HSD17B12: variants seen among roughly 807,000 people sequenced by gnomAD.
HSD17B12 encodes hydroxysteroid 17-beta dehydrogenase 12, also known as very-long-chain 3-oxoacyl-CoA reductase.
In HSD17B12, 32 loss-of-function variants were observed where a neutral mutation model predicts 39.3. That is an observed-to-expected ratio of 0.81 (90% CI 0.61 to 1.09). The LOEUF is 1.09. HSD17B12 is among the 50% of genes least tolerant of loss of function. The pLI is 0.00. For synonymous variants in HSD17B12, 150 were observed against 146.7 expected, an observed-to-expected ratio of 1.02 and a Z score of -0.16; for missense variants, 342 against 382.9, an observed-to-expected ratio of 0.89 and a Z score of 0.89.
chr11:43,716,768 G>A (rs1398943388), intron 1 of HSD17B12, among the ~76,000 whole-genome samples: 3 of 148,446 alleles, frequency 2.0e-5, no homozygotes, highest in Non-Finnish European at 4.5e-5. Flanking sequence ...AAATATATAT[G>A]TGCATAGGAT....
the HSD17B12 span, among the ~76,000 whole-genome samples, chr11:43,662,199 CTTTTT>C: frequency 2.4e-5 from 3 of 124,752 alleles, no homozygotes; most frequent in Non-Finnish European, 1.7e-5. Context: ...GCCCACGTCT[CTTTTT>C]TTTTTTTTTT....
rs983027943 is a variant in HSD17B12 at position 43,708,098 on chromosome 11, C to T, written c.160+27111C>T. On this transcript the variant is annotated intron_variant, in intron 1 of 10. Coordinates refer to ENST00000278353, the MANE Select transcript of HSD17B12 (RefSeq NM_016142.3). Reference sequence around the variant, plus strand: ...ATCACATTGGAGATTTAAGCTTCAACGTATGAATTTGGGGGGATGCAAACA... The same window carrying T: ...ATCACATTGGAGATTTAAGCTTCAATGTATGAATTTGGGGGGATGCAAACA... Among the ~76,000 whole-genome samples the T allele has an allele frequency of 3.9e-5, 6 of 152,126 alleles. No individual in the cohort carries two copies. The East Asian group carries it at 7.7e-4, about 19-fold the overall frequency.
chr11:43,749,148 G>C (rs1950442757), intron 1 of HSD17B12, among the ~76,000 whole-genome samples: 1 of 151,954 alleles, frequency 6.6e-6, no homozygotes, highest in Non-Finnish European at 1.5e-5. Context: ...AACCACCATG[G>C]GACAGAGGAA....
At chr11:43,606,915 G>A in the HSD17B12 span, among the ~76,000 whole-genome samples, 1 of 152,154 alleles carries the variant, frequency 6.6e-6, no homozygotes, top group African/African-American at 2.4e-5. Context: ...ATGGCATTGG[G>A]AGTCAATGTG....
chr11:43,583,349 C>T, the HSD17B12 span, among the ~76,000 whole-genome samples: 1 of 152,198 alleles, frequency 6.6e-6, no homozygotes, highest in Non-Finnish European at 1.5e-5. Context: ...CTCCTCGCCT[C>T]GCCTCGCCTC....
the HSD17B12 span, among the ~76,000 whole-genome samples, chr11:43,619,217 T>TATATATATGATATATATATATATAAA: frequency 2.1e-5 from 1 of 47,798 alleles, no homozygotes; most frequent in Admixed American, 2.6e-4. Context: ...ATATATAAAA[T>TATATATATGATATATATATATATAAA]ATATATATAT....
At chr11:43,837,678 A>G (rs1054924548) in intron 7 of HSD17B12, among the ~76,000 whole-genome samples, 3 of 152,070 alleles carry the variant, frequency 2.0e-5, no homozygotes, top group African/African-American at 7.2e-5. Context: ...TTTAGAGTCA[A>G]CTCTTTGTTG....
intron 4 of HSD17B12, among the ~76,000 whole-genome samples, chr11:43,800,164 A>G (rs2135048740): frequency 6.6e-6 from 1 of 152,342 alleles, no homozygotes; most frequent in East Asian, 1.9e-4. Context: ...TGACATCTGT[A>G]AAAATCCAAA....
the HSD17B12 span, among the ~76,000 whole-genome samples, chr11:43,657,731 C>T: frequency 6.6e-6 from 1 of 152,180 alleles, no homozygotes; most frequent in Non-Finnish European, 1.5e-5. Context: ...ATATTGACCC[C>T]CAGTCTCTTC....
the HSD17B12 span, among the ~76,000 whole-genome samples, chr11:43,624,558 T>C: frequency 6.6e-6 from 1 of 151,798 alleles, no homozygotes; most frequent in Non-Finnish European, 1.5e-5. Flanking sequence ...TTGTTACCTG[T>C]GTAGCTAGTA....
At chr11:43,792,136 A>T (rs1010679203) in intron 3 of HSD17B12, among the ~76,000 whole-genome samples, 2 of 152,112 alleles carry the variant, frequency 1.3e-5, no homozygotes, top group Non-Finnish European at 2.9e-5. Context: ...ACCCCAAGGG[A>T]TAGTAGGGAT....
chr11:43,596,426 T>C, the HSD17B12 span, among the ~76,000 whole-genome samples: 2 of 152,274 alleles, frequency 1.3e-5, no homozygotes, highest in Admixed American at 1.3e-4. Context: ...TTTTTTCTTC[T>C]TTTTTGTTAT....
intron 1 of HSD17B12, among the ~76,000 whole-genome samples, chr11:43,727,665 C>A (rs1950233275): frequency 6.6e-6 from 1 of 152,106 alleles, no homozygotes; most frequent in Non-Finnish European, 1.5e-5. Flanking sequence ...GTACAAACCA[C>A]CATCTCTTAA....
the HSD17B12 span, among the ~76,000 whole-genome samples, chr11:43,648,772 G>A: frequency 6.6e-6 from 1 of 152,056 alleles, no homozygotes; most frequent in Non-Finnish European, 1.5e-5. Flanking sequence ...CTGTTGCCCA[G>A]GCTGGAGTGC....
chr11:43,629,205 G>A, the HSD17B12 span, among the ~76,000 whole-genome samples: 1 of 152,090 alleles, frequency 6.6e-6, no homozygotes, highest in Non-Finnish European at 1.5e-5. Flanking sequence ...GAATATAAAC[G>A]GGTCTAGTTA....
chr11:43,745,855 GA>G (rs199655364), intron 1 of HSD17B12, among the ~76,000 whole-genome samples: 2 of 150,550 alleles, frequency 1.3e-5, no homozygotes, highest in African/African-American at 2.4e-5. Context: ...GTCTCTACAG[GA>G]AAAAAAAAGG....
chr11:43,785,523 TA>T (rs1950807837), intron 3 of HSD17B12, among the ~76,000 whole-genome samples: 4 of 152,212 alleles, frequency 2.6e-5, no homozygotes, highest in Non-Finnish European at 4.4e-5. Flanking sequence ...CAGTTTAGTC[TA>T]AAACATAGTT....
At chr11:43,600,308 A>T in the HSD17B12 span, among the ~76,000 whole-genome samples, 2 of 148,626 alleles carry the variant, frequency 1.3e-5, no homozygotes, top group African/African-American at 2.4e-5. Context: ...ACTGGATTTC[A>T]TTGTAAACAC....
chr11:43,678,263 C>T (rs191629824), upstream of HSD17B12, among the ~76,000 whole-genome samples: 178 of 152,208 alleles, frequency 1.2e-3, no homozygotes, highest in African/African-American at 3.7e-3. Flanking sequence ...ATCTTTTGCC[C>T]ACTTGTTGAT....
Sources: allele counts gnomAD v4.1 joint callset (sites outside exome capture counted in the v4.1 genomes callset), GRCh38; gene constraint gnomAD v4.1.1; transcripts MANE v1.5; gene names NCBI Gene and HGNC (gene_info 2026-07-23, HGNC 2026-07-21).